Variants in RBFOX1 observed in about 807,000 individuals in gnomAD.
RBFOX1 encodes RNA binding fox-1 homolog 1, also known as RNA binding protein fox-1 homolog 1.
In RBFOX1, 8 loss-of-function variants were observed where a neutral mutation model predicts 57.7. The ratio of observed to expected loss-of-function variants is 0.14; its 90% CI spans 0.08 to 0.25. The LOEUF (loss-of-function observed/expected upper bound fraction) is 0.25, where lower values mean the gene tolerates loss of function less well. RBFOX1 is among the 10% of genes least tolerant of loss of function. The probability of loss-of-function intolerance (pLI) is 1.00; values close to 1 mark genes in which losing one functional copy is unlikely to be tolerated. For missense variants in RBFOX1, 611 were observed against 548.5 expected (o/e 1.11, Z -1.14); for synonymous variants, 326 against 222.4 (o/e 1.47, Z -4.15).
chr16:5,857,575 T>C (rs1479779748), intron 3 of RBFOX1, among the ~76,000 whole-genome samples: 2 of 152,092 alleles, frequency 1.3e-5, no homozygotes, highest in Non-Finnish European at 2.9e-5. Flanking sequence ...CAAATATGCC[T>C]CCAGACATTG....
chr16:5,817,699 AT>A (rs36037789), intron 3 of RBFOX1, among the ~76,000 whole-genome samples: 55,579 of 141,134 alleles, frequency 0.39, 11,193 homozygotes, highest in East Asian at 0.57. Context: ...TGTGGGCTGT[AT>A]TTTTTTTTTT....
At chr16:7,555,406 T>G (rs2152575076) in intron 5 of RBFOX1, among the ~76,000 whole-genome samples, 1 of 152,280 alleles carries the variant, frequency 6.6e-6, no homozygotes, top group East Asian at 1.9e-4. Context: ...ACCTTCCTCG[T>G]TCTGATAAAT....
chr16:5,943,582 A>C (rs1189491999), intron 4 of RBFOX1, among the ~76,000 whole-genome samples: 1 of 152,182 alleles, frequency 6.6e-6, no homozygotes, highest in Non-Finnish European at 1.5e-5. Flanking sequence ...TTATGTCACT[A>C]ACTCTTTGGG....
At chr16:5,776,452 G>A (rs544142989) in intron 3 of RBFOX1, among the ~76,000 whole-genome samples, 16 of 152,348 alleles carry the variant, frequency 1.1e-4, no homozygotes, top group African/African-American at 3.1e-4. Flanking sequence ...CAGAATCTCA[G>A]TGAGCCTTCT....
At chr16:5,985,336 A>G (rs547219589) in intron 4 of RBFOX1, among the ~76,000 whole-genome samples, 22 of 152,004 alleles carry the variant, frequency 1.4e-4, no homozygotes, top group Admixed American at 1.2e-3. Context: ...GATGCCATCC[A>G]TCCTTGGTGA....
rs189930905 is a variant in RBFOX1 at position 7,467,258 on chromosome 16, C to G, written c.28-50889C>G. Among the ~76,000 whole-genome samples, 434 of 152,204 alleles carry G rather than the reference C, an allele frequency of 2.9e-3. 3 individuals are homozygous for G. The highest frequency in any genetic ancestry group is 1.0e-2 in the African/African-American group (414 of 41,560). ...CCAATGAGTCTCCTAGGCGACCTCTCAATAGGGAACAAGTGCTAAAGACAG... is the reference window on the plus strand; with the variant it reads ...CCAATGAGTCTCCTAGGCGACCTCTGAATAGGGAACAAGTGCTAAAGACAG... On this transcript the variant is annotated intron_variant, in intron 4 of 15. Transcript: ENST00000550418.
At chr16:5,454,882 CTTT>C (rs2068550994) in intron 1 of RBFOX1, among the ~76,000 whole-genome samples, 3 of 91,346 alleles carry the variant, frequency 3.3e-5, no homozygotes, top group East Asian at 2.9e-4. Flanking sequence ...TTCTTTCTTT[CTTT>C]CTTTCTTTCT....
chr16:7,434,748 TTTC>T (rs2149695060), intron 4 of RBFOX1, among the ~76,000 whole-genome samples: 1 of 152,142 alleles, frequency 6.6e-6, no homozygotes, highest in East Asian at 1.9e-4. Flanking sequence ...TTTTTTTTTT[TTTC>T]TTTCCTGAGA....
intron 1 of RBFOX1, among the ~76,000 whole-genome samples, chr16:5,460,038 C>G (rs1350321066): frequency 4.6e-5 from 7 of 152,170 alleles, no homozygotes; most frequent in Admixed American, 2.6e-4. Flanking sequence ...GATTCTGTTT[C>G]CTAAAAGTCA....
chr16:7,316,135 A>T (rs967224346), intron 4 of RBFOX1, among the ~76,000 whole-genome samples: 2 of 152,170 alleles, frequency 1.3e-5, no homozygotes. Flanking sequence ...TGCCAAGAAG[A>T]TTATGTGTTT....
intron 2 of RBFOX1, among the ~76,000 whole-genome samples, chr16:6,574,882 CA>C (rs1186387324): frequency 3.3e-4 from 49 of 150,702 alleles, no homozygotes; most frequent in East Asian, 8.2e-4. Flanking sequence ...ACTAAAAATA[CA>C]AAAAATTTGG....
At chr16:7,693,748 A>C (rs1392534761) in intron 14 of RBFOX1, among the ~76,000 whole-genome samples, 1 of 152,144 alleles carries the variant, frequency 6.6e-6, no homozygotes, top group African/African-American at 2.4e-5. Flanking sequence ...GGGTTCATAG[A>C]GACTGATGTG....
chr16:6,844,042 T>G (rs2093631319), intron 3 of RBFOX1, among the ~76,000 whole-genome samples: 1 of 151,958 alleles, frequency 6.6e-6, no homozygotes. Flanking sequence ...CCATTTTCTT[T>G]CTCTCTCTCT....
At chr16:7,432,318 A>T (rs1184089119) in intron 4 of RBFOX1, among the ~76,000 whole-genome samples, 1 of 152,034 alleles carries the variant, frequency 6.6e-6, no homozygotes, top group African/African-American at 2.4e-5. Context: ...TGCACAAATA[A>T]CTCCCAGAGA....
At chr16:6,886,843 G>T (rs1040468604) in intron 3 of RBFOX1, among the ~76,000 whole-genome samples, 1 of 151,932 alleles carries the variant, frequency 6.6e-6, no homozygotes, top group African/African-American at 2.4e-5. Context: ...TTTAGAATCA[G>T]TGAAATATGG....
At chr16:7,425,157 A>T (rs1016912382) in intron 4 of RBFOX1, among the ~76,000 whole-genome samples, 1 of 152,228 alleles carries the variant, frequency 6.6e-6, no homozygotes, top group Non-Finnish European at 1.5e-5. Flanking sequence ...TAGAGAAAAA[A>T]ATGTGAAAAT....
intron 4 of RBFOX1, among the ~76,000 whole-genome samples, chr16:7,390,030 A>G (rs192749677): frequency 6.6e-6 from 1 of 152,282 alleles, no homozygotes; most frequent in East Asian, 1.9e-4. Context: ...ACTTATAATC[A>G]TGGCAGAAGG....
intron 3 of RBFOX1, among the ~76,000 whole-genome samples, chr16:6,713,874 G>A (rs764502192): frequency 7.2e-5 from 11 of 152,188 alleles, no homozygotes; most frequent in Non-Finnish European, 1.6e-4. Flanking sequence ...GGGACTGATA[G>A]CATGTGGAGA....
chr16:7,111,953 C>T (rs866082355), intron 4 of RBFOX1, among the ~76,000 whole-genome samples: 2 of 152,068 alleles, frequency 1.3e-5, no homozygotes, highest in African/African-American at 4.8e-5. Flanking sequence ...ACTTGTCACC[C>T]TGAATTATTG....
Sources: allele counts gnomAD v4.1 joint callset (sites outside exome capture counted in the v4.1 genomes callset), GRCh38; gene constraint gnomAD v4.1.1; transcripts MANE v1.5; gene names NCBI Gene and HGNC (gene_info 2026-07-23, HGNC 2026-07-21).